The following DPP7 variants were observed in gnomAD, a reference collection of about 807,000 sequenced individuals.
The protein encoded by DPP7 is dipeptidyl peptidase 7.
A neutral mutation model predicts 58.8 loss-of-function variants in DPP7; 74 were observed. That is an observed-to-expected ratio of 1.26 (90% CI 1.04 to 1.53). The LOEUF (loss-of-function observed/expected upper bound fraction) is 1.53, where lower values mean the gene tolerates loss of function less well. Ranked by LOEUF, DPP7 falls within the 40% of genes most tolerant of loss-of-function variation. The pLI, the probability that DPP7 is intolerant of heterozygous loss-of-function variation, is 0.00. For synonymous variants in DPP7, 350 were observed against 303.6 expected (o/e 1.15, Z -1.59); for missense variants, 807 against 692.3 (o/e 1.17, Z -1.86).
intron 11 of DPP7, 68 bp downstream of exon 11, chr9:137,111,622 A>C: frequency 6.4e-7 from 1 of 1,558,332 alleles, no homozygotes; most frequent in Non-Finnish European, 8.8e-7. Context: ...TGGGCGCCAG[A>C]GAAAGACCCT....
intron 8 of DPP7, chr9:137,112,531 G>A (rs1831422299): frequency 4.4e-6 from 3 of 679,928 alleles, no homozygotes; most frequent in East Asian, 5.5e-5. Context: ...CCACCAAGCT[G>A]GGCCTGGCTA....
chr9:137,113,923 G>A lies in DPP7; in HGVS notation c.427C>T (p.Arg143Cys), dbSNP rs1206870531. ...QALADFAELL[R>C]ALRRDLGAQD... ...GCCCCGAGGTCGCGTCGTAGCGCGC[G>A]GAGCAGCTCTGCGAAGTCGGCCAGG... The change falls in exon 4 of 13, where the codon CGC becomes TGC. Residue 143 changes from arginine (R) to cysteine (C), a missense_variant. Physicochemically the swap from Arg to Cys is radical, Grantham distance 180. Coordinates refer to ENST00000371579, the MANE Select transcript of DPP7 (RefSeq NM_013379.3). The A allele has an allele frequency of 8.9e-6, 14 of 1,578,960 alleles. No homozygotes were observed. The highest frequency in any genetic ancestry group is 1.1e-5 in the Non-Finnish European group (13 of 1,168,432).
intron 6 of DPP7, 39 bp from the exon 7 acceptor site, chr9:137,113,158 C>A: frequency 6.2e-7 from 1 of 1,613,734 alleles, no homozygotes; most frequent in Non-Finnish European, 8.5e-7. Flanking sequence ...TTGGGCATAG[C>A]TGGCGCTGGG....
intron 11 of DPP7, 65 bp downstream of exon 11, chr9:137,111,625 A>T: frequency 6.4e-7 from 1 of 1,565,006 alleles, no homozygotes; most frequent in Non-Finnish European, 8.7e-7. Flanking sequence ...GCGCCAGAGA[A>T]AGACCCTGTC....
At chr9:137,116,327 G>A (rs1027513521), upstream of DPP7, among the ~76,000 whole-genome samples, 6 of 152,258 alleles carry the variant, frequency 3.9e-5, no homozygotes, top group Admixed American at 3.9e-4. Flanking sequence ...AACATATGCT[G>A]TATGGAATCA....
chr9:137,114,359 C>G lies in DPP7; in HGVS notation c.205G>C (p.Gly69Arg), dbSNP rs778068672. Residue 69 changes from glycine to arginine, a missense_variant, in exon 3 of 13, where the codon GGG (glycine) becomes CGG (arginine). Gly to Arg is a moderately radical substitution (Grantham distance 125, BLOSUM62 -2). Around this residue, in one of 3 missense-constraint regions of DPP7, gnomAD observed 168 missense variants for 124.1 expected, o/e 1.35. Coordinates refer to ENST00000371579, the MANE Select transcript of DPP7 (RefSeq NM_013379.3). ...VSDRFWVRGE[G>R]PIFFYTGNEG... ...TTCCCAGTGTAGAAGAAGATGGGCC[C>G]CTCGCCCCGGACCCAGAACCTGTCT... 6.2e-7 allele frequency: 1 copy of G among 1,604,944 alleles called. No homozygotes were observed. Among genetic ancestry groups the G allele is most frequent in the Admixed American group, 1.7e-5 (1 of 59,682 alleles).
At position 137,114,659 on chromosome 9, in the gene DPP7, G is replaced by A. The variant is rs964070319; in HGVS notation, c.55C>T (p.Leu19Phe). The A allele has an allele frequency of 4.4e-6, 6 of 1,370,680 alleles. No individual in the cohort carries two copies. The South Asian group carries it at 5.1e-5, about 12-fold the overall frequency. 84.9% of individuals were successfully genotyped at this position (1,370,680 alleles called of 1,614,324 possible). A position where few individuals can be genotyped will look rare whatever the true frequency, so the allele number is the denominator to read the frequency against. The change falls in exon 1 of 13, where the codon CTC (leucine) becomes TTC (phenylalanine). Residue 19 changes from leucine to phenylalanine, a missense_variant. Transcript: ENST00000371579. ...VLLLALGLRGLQAGARRAPDP... is the reference protein window; with the variant it reads ...VLLLALGLRGFQAGARRAPDP... The stretch of plus-strand genomic sequence containing the variant: ...CGCCGCCACTCACCCCCCGCCTGGA[G>A]GCCGCGCAGCCCGAGCGCCAGCAGC...
chr9:137,110,692 C>G lies in DPP7; in HGVS notation c.1435G>C (p.Glu479Gln). Reference protein sequence around the residue: ...IGEWVKAARREQQPALRGGPR... With the variant: ...IGEWVKAARRQQQPALRGGPR... ...CCCCCACGCAGAGCTGGCTGCTGCT[C>G]ACGCCTGGCTGCCTTTACCCACTCG... The change falls in exon 13 of 13, where the codon GAG becomes CAG. Residue 479 changes from glutamate to glutamine, a missense_variant. Glu to Gln is a conservative substitution (Grantham distance 29). This residue lies in a region of DPP7 where 624 missense variants were observed against 531.2 expected (regional missense o/e 1.17). Coordinates refer to ENST00000371579, the MANE Select transcript of DPP7 (RefSeq NM_013379.3). The G allele has an allele frequency of 6.2e-7, 1 of 1,609,344 alleles. No homozygotes were observed. Among genetic ancestry groups the G allele is most frequent in the Non-Finnish European group, 8.5e-7 (1 of 1,179,948 alleles).
upstream of DPP7, chr9:137,115,021 G>A (rs1831587777): frequency 1.5e-5 from 4 of 263,132 alleles, no homozygotes; most frequent in South Asian, 1.7e-4. Flanking sequence ...TGCTGCGCCC[G>A]CCAAGCCTCC....
upstream of DPP7, among the ~76,000 whole-genome samples, chr9:137,117,713 G>A (rs531510623): frequency 2.0e-4 from 30 of 152,292 alleles, no homozygotes; most frequent in African/African-American, 3.4e-4. Context: ...TACTGCATCC[G>A]CACTTGGGGC....
upstream of DPP7, chr9:137,115,163 G>A (rs764567383): frequency 6.4e-6 from 1 of 155,984 alleles, no homozygotes; most frequent in Admixed American, 6.5e-5. Context: ...GCAACCCAGG[G>A]TTTGTCCAAG....
In DPP7 at chr9:137,114,396, G is replaced by A. The variant is rs1428177990; in HGVS notation, c.182-14C>T. The A allele has an allele frequency of 3.1e-6, 5 of 1,592,382 alleles. No individual in the cohort carries two copies. Among genetic ancestry groups the A allele is most frequent in the Non-Finnish European group, 3.4e-6 (4 of 1,170,590 alleles). ...CCCAGAACCTGTCTGTGGGGAGGGC[G>A]GATGAGGCGAGGGTGCCGGGGGGCG... On this transcript the variant is annotated splice_polypyrimidine_tract_variant and intron_variant, in intron 2 of 12. Transcript: ENST00000371579.
chr9:137,118,031 A>G (rs942263449), upstream of DPP7, among the ~76,000 whole-genome samples: 1 of 151,442 alleles, frequency 6.6e-6, no homozygotes, highest in African/African-American at 2.4e-5. Context: ...TCTGTTGTCC[A>G]GGCTGGAGTG....
At position 137,113,201 on chromosome 9, in the gene DPP7, C is replaced by T. The variant is rs1257192381; in HGVS notation, c.703+5G>A. ...AGGCAGTGGGAGGCGGTGGGAGGACCTCACCTCCCTGTAGGAACAAGTCCT... is the reference window on the plus strand; with the variant it reads ...AGGCAGTGGGAGGCGGTGGGAGGACTTCACCTCCCTGTAGGAACAAGTCCT... On this transcript the variant is annotated splice_donor_5th_base_variant and intron_variant, in intron 6 of 12. Transcript: ENST00000371579. 6.2e-7 allele frequency: 1 copy of T among 1,613,504 alleles called. No homozygotes were observed. Among genetic ancestry groups the T allele is most frequent in the African/African-American group, 1.3e-5 (1 of 74,978 alleles).
chr9:137,112,683 C>T (rs1831431358), intron 8 of DPP7, 62 bp downstream of exon 8: 1 of 1,547,478 alleles, frequency 6.5e-7, no homozygotes, highest in Non-Finnish European at 8.7e-7. Flanking sequence ...CCACCCGGCC[C>T]CAGGACCCAA....
chr9:137,115,020 C>CGCCA (rs1161000784), upstream of DPP7: 2 of 264,740 alleles, frequency 7.6e-6, no homozygotes, highest in Admixed American at 1.1e-4. Context: ...CTGCTGCGCC[C>CGCCA]GCCAAGCCTC....
In DPP7 at chr9:137,114,558, G is replaced by T. The variant is rs1407270898; in HGVS notation, c.86C>A (p.Pro29His). The stretch of plus-strand genomic sequence containing the variant: ...CTGGAAGAAGCGCTCCTGGAAGCCG[G>T]GGTCCGGGGCCCTGCGGGCTGTGGG... ...LQAGARRAPD[P>H]GFQERFFQQR... Residue 29 changes from proline to histidine, a missense_variant, in exon 2 of 13, where the codon CCC becomes CAC. By Grantham distance (77) the Pro-to-His change is moderately conservative. Around this residue, in one of 3 missense-constraint regions of DPP7, gnomAD observed 168 missense variants for 124.1 expected, o/e 1.35. Transcript: ENST00000371579. 6 of 1,562,766 alleles carry T rather than the reference G, an allele frequency of 3.8e-6. 1 individual carries two copies. In the South Asian group the frequency reaches 5.8e-5, roughly 15 times the overall value.
At position 137,114,627 on chromosome 9, in the gene DPP7, CG is replaced by C. The variant is rs1274834500; in HGVS notation, c.67+19del. On this transcript the variant is annotated intron_variant, in intron 1 of 12. Transcript: ENST00000371579. ...GCGGGGCCGGGACCGGGGAATGGGCCGGGGGGCGCCGCCACTCACCCCCCGC... is the reference window on the plus strand; with the variant it reads ...GCGGGGCCGGGACCGGGGAATGGGCCGGGGGCGCCGCCACTCACCCCCCGC... The C allele has an allele frequency of 2.1e-6, 3 of 1,399,110 alleles. No homozygotes were observed. The highest frequency in any genetic ancestry group is 2.8e-6 in the Non-Finnish European group (3 of 1,077,108). The allele number at this position is 1,399,110 out of a possible 1,614,324, so 86.7% of individuals were successfully genotyped here.
At chr9:137,115,395 C>T (rs1349784088), upstream of DPP7, among the ~76,000 whole-genome samples, 1 of 152,176 alleles carries the variant, frequency 6.6e-6, no homozygotes, top group African/African-American at 2.4e-5. Flanking sequence ...CCCTGGGGAG[C>T]ACCCAGAGGA....
Sources: gnomAD v4.1 joint callset for allele counts (sites outside exome capture counted in the v4.1 genomes callset) on GRCh38, gnomAD v4.1.1 for gene constraint, gnomAD v4.1.1 regional missense constraint, MANE v1.5 for transcripts, NCBI Gene and HGNC (gene_info 2026-07-23, HGNC 2026-07-21) for gene names.